Variants in PCDHGA9 observed in about 807,000 individuals in gnomAD.
PCDHGA9 encodes the protein protocadherin gamma subfamily A, 9.
Under a neutral mutation model 62.5 loss-of-function variants are expected in PCDHGA9, and 37 were observed. That is an observed-to-expected ratio of 0.59 (90% confidence interval 0.46 to 0.78). The LOEUF (loss-of-function observed/expected upper bound fraction) is 0.78, where lower values mean the gene tolerates loss of function less well. Ranked by LOEUF, PCDHGA9 falls within the 30% of genes least tolerant of loss-of-function variation. PCDHGA9 has a pLI of 0.00. For synonymous variants in PCDHGA9, 459 were observed against 484.6 expected, an observed-to-expected ratio of 0.95 and a Z score of 0.69; for missense variants, 1,138 against 1,166.2, an observed-to-expected ratio of 0.98 and a Z score of 0.35.
chr5:141,508,826 C>T (rs2099872187), intron 3 of PCDHGA9, among the ~76,000 whole-genome samples: 1 of 152,092 alleles, frequency 6.6e-6, no homozygotes, highest in South Asian at 2.1e-4. Context: ...AGATCTGGGC[C>T]CCCCTCCCCT....
At chr5:141,408,003 C>G in intron 1 of PCDHGA9, 1 of 917,520 alleles carries the variant, frequency 1.1e-6, no homozygotes, top group Non-Finnish European at 1.6e-6. Flanking sequence ...GCCTGGGATT[C>G]CCTGCGCAGC....
At chr5:141,497,713 T>C (rs1357797720) in intron 2 of PCDHGA9, among the ~76,000 whole-genome samples, 3 of 152,084 alleles carry the variant, frequency 2.0e-5, no homozygotes, top group Non-Finnish European at 1.5e-5. Context: ...CTCATTTTTG[T>C]ATTTTTAGTA....
chr5:141,432,138 A>C lies in PCDHGA9; in HGVS notation c.2424+26762A>C, dbSNP rs2097456794. On this transcript the variant is annotated intron_variant, in intron 1 of 3. Coordinates refer to ENST00000573521, the MANE Select transcript of PCDHGA9 (RefSeq NM_018921.3). The surrounding 1 kb of genome is among the most constrained non-coding windows in gnomAD (Gnocchi z 6.0). ...TTCCCTCAGGCCTCCTATTCCGCTT[A>C]TATCCCAGAGAACAATCCCAGAGGA... 1 of 1,613,954 alleles carries C rather than the reference A, an allele frequency of 6.2e-7. No individual in the cohort carries two copies. Among genetic ancestry groups the C allele is most frequent in the African/African-American group, 1.3e-5 (1 of 74,882 alleles).
chr5:141,509,442 T>C (rs1473514859), intron 3 of PCDHGA9, among the ~76,000 whole-genome samples: 3 of 152,008 alleles, frequency 2.0e-5, no homozygotes, highest in Non-Finnish European at 2.9e-5. Flanking sequence ...TGTTTCCTCC[T>C]CTCCCACCCC....
At position 141,408,540 on chromosome 5, in the gene PCDHGA9, C is replaced by T. The variant is rs201370009; in HGVS notation, c.2424+3164C>T. On this transcript the variant is annotated intron_variant, in intron 1 of 3. Transcript: ENST00000573521. ...CAATTGGAAGCTGTGGTGGAAAATCCTTTAAATATTTTTCATGTCATTGTG... is the reference window on the plus strand; with the variant it reads ...CAATTGGAAGCTGTGGTGGAAAATCTTTTAAATATTTTTCATGTCATTGTG... The T allele has an allele frequency of 1.6e-3, 2,593 of 1,614,046 alleles. 3 individuals are homozygous for T. Among genetic ancestry groups the T allele is most frequent in the Middle Eastern group, 4.5e-3 (27 of 6,062 alleles).
rs1446853595 is a variant in PCDHGA9 at position 141,491,363 on chromosome 5, C to A, written c.2425-3444C>A. The A allele has an allele frequency of 1.2e-6, 2 of 1,614,182 alleles. No homozygotes were observed. Among genetic ancestry groups the A allele is most frequent in the South Asian group, 2.2e-5 (2 of 91,082 alleles). On this transcript the variant is annotated intron_variant, in intron 1 of 3. Coordinates refer to ENST00000573521, the MANE Select transcript of PCDHGA9 (RefSeq NM_018921.3). The surrounding 1 kb of genome is among the most constrained non-coding windows in gnomAD (Gnocchi z 6.9). ...ACCGTCAGTCTCTTATCCCTAGTCA[C>A]CTTCACCTTTCTGTCAGCGAAGTGC...
intron 1 of PCDHGA9, chr5:141,478,023 A>G (rs2099428714): frequency 6.2e-7 from 1 of 1,614,112 alleles, no homozygotes; most frequent in South Asian, 1.1e-5. Flanking sequence ...CCAGTCCAAG[A>G]CACAGATTCA....
Position 141,491,717 on chromosome 5 carries a change from C to A in PCDHGA9, c.2425-3090C>A. ...CGGAGCCAGGTGAGGGGCTCGGCGC[C>A]GCCCCGGGCGACCCCTGGGGGCGGC... On this transcript the variant is annotated intron_variant, in intron 1 of 3. Coordinates refer to ENST00000573521, the MANE Select transcript of PCDHGA9 (RefSeq NM_018921.3). The surrounding 1 kb of genome is among the most constrained non-coding windows in gnomAD (Gnocchi z 6.9). 1 of 1,607,940 alleles carries A rather than the reference C, an allele frequency of 6.2e-7. No individual in the cohort carries two copies. Among genetic ancestry groups the A allele is most frequent in the Middle Eastern group, 1.7e-4 (1 of 6,010 alleles).
intron 1 of PCDHGA9, among the ~76,000 whole-genome samples, chr5:141,450,830 T>A (rs923422605): frequency 3.0e-5 from 3 of 101,548 alleles, no homozygotes; most frequent in African/African-American, 1.3e-4. Context: ...ATTATTATTA[T>A]TTTTTTTTTT....
intron 1 of PCDHGA9, among the ~76,000 whole-genome samples, chr5:141,452,575 T>A (rs1386847800): frequency 6.6e-6 from 1 of 152,192 alleles, no homozygotes; most frequent in Non-Finnish European, 1.5e-5. Flanking sequence ...CCTTCCCCCT[T>A]TCCATCTTTG....
At chr5:141,466,094 C>T (rs1462266046) in intron 1 of PCDHGA9, among the ~76,000 whole-genome samples, 1 of 152,040 alleles carries the variant, frequency 6.6e-6, no homozygotes, top group Non-Finnish European at 1.5e-5. Flanking sequence ...TGCACTCCAG[C>T]CTGGGCAACA....
chr5:141,492,079 G>C (rs1400390407), intron 1 of PCDHGA9: 3 of 486,286 alleles, frequency 6.2e-6, no homozygotes, highest in South Asian at 4.1e-5. Flanking sequence ...CGCCGGCTCC[G>C]GCACGCTTCG....
chr5:141,510,621 A>G (rs1317150967), intron 3 of PCDHGA9, among the ~76,000 whole-genome samples: 1 of 152,176 alleles, frequency 6.6e-6, no homozygotes, highest in Non-Finnish European at 1.5e-5. Flanking sequence ...CACTAAAACC[A>G]GAAGAGGTGG....
intron 1 of PCDHGA9, among the ~76,000 whole-genome samples, chr5:141,472,980 C>CAAAAAAAAAAAAAAAAAGAAAAAAA (rs2099309731): frequency 1.2e-5 from 1 of 86,102 alleles, no homozygotes; most frequent in African/African-American, 3.9e-5. Flanking sequence ...GAGTGAAACT[C>CAAAAAAAAAAAAAAAAAGAAAAAAA]AAAAAAAAAA....
intron 1 of PCDHGA9, chr5:141,422,140 C>CG (rs1369033587): frequency 6.3e-7 from 1 of 1,586,656 alleles, no homozygotes; most frequent in Non-Finnish European, 8.5e-7. Context: ...AGTTCAAGTA[C>CG]GGGGGTCTCT....
At chr5:141,437,896 C>T (rs943440712) in intron 1 of PCDHGA9, among the ~76,000 whole-genome samples, 2 of 152,128 alleles carry the variant, frequency 1.3e-5, no homozygotes, top group African/African-American at 4.8e-5. Flanking sequence ...CGCCACCACA[C>T]CCAGCTAATT....
intron 1 of PCDHGA9, chr5:141,414,939 C>T (rs773327918): frequency 2.5e-6 from 4 of 1,614,090 alleles, no homozygotes; most frequent in Admixed American, 1.7e-5. Context: ...CCGCAGAGCC[C>T]GGCTACCTGG....
chr5:141,429,913 T>C (rs1013990672), intron 1 of PCDHGA9, among the ~76,000 whole-genome samples: 29 of 152,238 alleles, frequency 1.9e-4, no homozygotes, highest in African/African-American at 7.0e-4. Context: ...TGAAATATAA[T>C]GTATTAATAG....
intron 1 of PCDHGA9, chr5:141,419,426 G>C: frequency 6.2e-7 from 1 of 1,613,312 alleles, no homozygotes; most frequent in Non-Finnish European, 8.5e-7. Flanking sequence ...CTTCGACCAC[G>C]AGCAGCTGCG....
Sources: gnomAD v4.1 joint callset for allele counts (sites outside exome capture counted in the v4.1 genomes callset) on GRCh38, gnomAD v4.1.1 for gene constraint, Gnocchi (gnomAD v3.1) non-coding constraint, MANE v1.5 for transcripts, NCBI Gene and HGNC (gene_info 2026-07-23, HGNC 2026-07-21) for gene names.